DHX57: variants seen among roughly 807,000 people sequenced by gnomAD.
DHX57 encodes the protein DExH-box helicase 57.
In DHX57, 105 loss-of-function variants were observed where a neutral mutation model predicts 156.2. That is an observed-to-expected ratio of 0.67 (90% CI 0.57 to 0.79). DHX57 has a LOEUF of 0.79. Ranked by LOEUF, DHX57 falls within the 30% of genes least tolerant of loss-of-function variation. The pLI, the probability that DHX57 is intolerant of heterozygous loss-of-function variation, is 0.00. For missense variants in DHX57, 1,847 were observed against 1,661.9 expected (o/e 1.11, Z -1.94); for synonymous variants, 704 against 595.6 (o/e 1.18, Z -2.65).
chr2:38,864,219 A>T (rs934832998), intron 2 of DHX57, among the ~76,000 whole-genome samples: 1 of 148,324 alleles, frequency 6.7e-6, no homozygotes, highest in Non-Finnish European at 1.5e-5. Flanking sequence ...TTTCTAAAAT[A>T]CCCAATTATC....
At chr2:38,817,587 A>G (rs377279527) in intron 19 of DHX57, among the ~76,000 whole-genome samples, 187 of 152,278 alleles carry the variant, frequency 1.2e-3, no homozygotes, top group African/African-American at 4.3e-3. Context: ...AAGTGCTGGG[A>G]TTACAGGTGT....
chr2:38,857,176 C>A (rs1478817730), intron 6 of DHX57: 2 of 153,942 alleles, frequency 1.3e-5, no homozygotes, highest in African/African-American at 4.8e-5. Context: ...TACTGAGGAA[C>A]TGAATTTTTA....
chr2:38,807,945 C>CTTTTT (rs34221239), intron 21 of DHX57, among the ~76,000 whole-genome samples: 1 of 54,254 alleles, frequency 1.8e-5, no homozygotes, highest in East Asian at 8.5e-4. Context: ...TGTGTCTTGC[C>CTTTTT]TTTTTTTTTT....
intron 16 of DHX57, among the ~76,000 whole-genome samples, chr2:38,825,530 T>C (rs1049441327): frequency 6.6e-6 from 1 of 152,172 alleles, no homozygotes; most frequent in Non-Finnish European, 1.5e-5. Flanking sequence ...CTCGAACTCC[T>C]GACCTCAGGT....
chr2:38,806,787 A>C lies in DHX57; in HGVS notation c.3682-94T>G, dbSNP rs1406281943. The stretch of plus-strand genomic sequence containing the variant: ...CAAAAGCACAAAACCAGTCTTGCTC[A>C]GTCTTGCTTGAATAGCTTTCCTGTT... On this transcript the variant is annotated intron_variant, in intron 21 of 23. Coordinates refer to ENST00000457308, the MANE Select transcript of DHX57 (RefSeq NM_198963.3). The C allele has an allele frequency of 2.4e-5, 30 of 1,272,960 alleles. No homozygotes were observed. The Admixed American group carries it at 7.0e-4, about 30-fold the overall frequency. 78.9% of individuals were successfully genotyped at this position (1,272,960 alleles called of 1,614,324 possible). A position where few individuals can be genotyped will look rare whatever the true frequency, so the allele number is the denominator to read the frequency against.
chr2:38,856,072 C>G (rs907683514), intron 7 of DHX57, among the ~76,000 whole-genome samples: 3 of 152,142 alleles, frequency 2.0e-5, no homozygotes, highest in Non-Finnish European at 2.9e-5. Context: ...GATCATGCCA[C>G]TGCACTCCAG....
intron 9 of DHX57, among the ~76,000 whole-genome samples, chr2:38,850,116 A>G (rs1672503032): frequency 6.6e-6 from 1 of 152,222 alleles, no homozygotes; most frequent in Admixed American, 6.5e-5. Flanking sequence ...CTAAATGAAT[A>G]TATCATCTGT....
Position 38,861,326 on chromosome 2 carries a change from C to A in DHX57, c.1084G>T (p.Asp362Tyr). 3.1e-6 allele frequency: 5 copies of A among 1,613,700 alleles called. No individual in the cohort carries two copies. The highest frequency in any genetic ancestry group is 4.2e-6 in the Non-Finnish European group (5 of 1,179,954). The change falls in exon 5 of 24, where the codon GAC (aspartate) becomes TAC (tyrosine). Residue 362 changes from aspartate (D) to tyrosine (Y), a missense_variant. Coordinates refer to ENST00000457308, the MANE Select transcript of DHX57 (RefSeq NM_198963.3). The part of the protein sequence containing the change: ...LYELEIRFSK[D>Y]HKYPYQAPLV... Reference sequence around the variant, plus strand: ...GGAGCTTGGTAGGGATATTTGTGGTCTTTAGAAAATCGAATTTCAAGTTCA... The same window carrying A: ...GGAGCTTGGTAGGGATATTTGTGGTATTTAGAAAATCGAATTTCAAGTTCA...
intron 6 of DHX57, among the ~76,000 whole-genome samples, chr2:38,857,646 A>G (rs868418261): frequency 3.9e-5 from 6 of 152,204 alleles, no homozygotes; most frequent in South Asian, 2.1e-4. Flanking sequence ...ATTTAATCCA[A>G]TTCCCATATT....
intron 1 of DHX57, among the ~76,000 whole-genome samples, chr2:38,874,696 A>C (rs1324111135): frequency 6.6e-6 from 1 of 152,174 alleles, no homozygotes; most frequent in Non-Finnish European, 1.5e-5. Flanking sequence ...GGCGTGAGCC[A>C]CCGCGCCCGA....
At chr2:38,847,117 T>C (rs377054201) in intron 10 of DHX57, 44 bp from the exon 11 acceptor site, 1 of 1,454,060 alleles carries the variant, frequency 6.9e-7, no homozygotes, top group Non-Finnish European at 9.6e-7. Context: ...AGAACACCCA[T>C]TCAACCATCT....
At chr2:38,830,028 A>T (rs1292893074) in intron 13 of DHX57, among the ~76,000 whole-genome samples, 1 of 152,206 alleles carries the variant, frequency 6.6e-6, no homozygotes, top group African/African-American at 2.4e-5. Context: ...TGCTTTATTC[A>T]GGGAGAAAAA....
Position 38,861,072 on chromosome 2 carries a change from G to A in DHX57, c.1338C>T (p.Thr446=). Reference sequence around the variant, plus strand: ...TATGACAGGCAGGATTATTTATTCTGGTCCTAGAGGGTACTGGCAGAAAGT... The same window carrying A: ...TATGACAGGCAGGATTATTTATTCTAGTCCTAGAGGGTACTGGCAGAAAGT... ...PVNFLPVPSR[T]RINNPACHKT... Residue 446 remains threonine (T), a synonymous_variant, in exon 5 of 24, where the codon ACC becomes ACT. Transcript: ENST00000457308. 6.2e-7 allele frequency: 1 copy of A among 1,614,162 alleles called. No individual in the cohort carries two copies. Among genetic ancestry groups the A allele is most frequent in the Non-Finnish European group, 8.5e-7 (1 of 1,180,020 alleles).
At position 38,825,948 on chromosome 2, in the gene DHX57, C is replaced by T. The variant is rs749569107; in HGVS notation, c.2913G>A (p.Gly971=). The T allele has an allele frequency of 6.2e-7, 1 of 1,614,002 alleles. No homozygotes were observed. The highest frequency in any genetic ancestry group is 8.5e-7 in the Non-Finnish European group (1 of 1,180,020). ...RKGRAGRVAS[G]VCFHLFTSHH... ...GGCTAGTGAATAAATGGAAGCAGAC[C>T]CCAGATGCAACACGGCCTGCTCGGC... Residue 971 remains glycine (G), a synonymous_variant, in exon 16 of 24, where the codon GGG becomes GGA. Transcript: ENST00000457308.
intron 23 of DHX57, among the ~76,000 whole-genome samples, chr2:38,799,814 G>A (rs1335383470): frequency 1.3e-5 from 2 of 150,564 alleles, no homozygotes; most frequent in Non-Finnish European, 2.9e-5. Context: ...CCAGCACTTT[G>A]GGAGGCCGAG....
chr2:38,872,770 A>G (rs1321330234), intron 1 of DHX57, among the ~76,000 whole-genome samples: 3 of 152,358 alleles, frequency 2.0e-5, no homozygotes, highest in East Asian at 1.9e-4. Flanking sequence ...AGACAATTCA[A>G]TAATAATAGT....
At chr2:38,846,957 A>G in intron 11 of DHX57, 62 bp downstream of exon 11, 1 of 1,449,014 alleles carries the variant, frequency 6.9e-7, no homozygotes, top group Non-Finnish European at 9.6e-7. Flanking sequence ...AAGTGCTAGA[A>G]TTACAGGGAT....
intron 21 of DHX57, among the ~76,000 whole-genome samples, chr2:38,806,921 G>A (rs1360801877): frequency 2.0e-5 from 3 of 147,126 alleles, no homozygotes; most frequent in Non-Finnish European, 3.0e-5. Flanking sequence ...GGCTCTGGGT[G>A]TCTATACCAC....
chr2:38,811,602 G>A, intron 21 of DHX57: 1 of 1,373,242 alleles, frequency 7.3e-7, no homozygotes, highest in Non-Finnish European at 1.0e-6. Context: ...GAGGATGCAG[G>A]AGGTGTCCAG....
Sources: allele counts gnomAD v4.1 joint callset (sites outside exome capture counted in the v4.1 genomes callset), GRCh38; gene constraint gnomAD v4.1.1; transcripts MANE v1.5; gene names NCBI Gene and HGNC (gene_info 2026-07-23, HGNC 2026-07-21).